The following SLC52A3 variants were observed in gnomAD, a reference collection of about 807,000 sequenced individuals.
The protein encoded by SLC52A3 is solute carrier family 52, riboflavin transporter, member 3.
A neutral mutation model predicts 29.5 loss-of-function variants in SLC52A3; 20 were observed. The observed-to-expected ratio is 0.68, with a 90% CI of 0.48 to 0.99. SLC52A3 has a LOEUF of 0.99. SLC52A3 is among the 50% of genes least tolerant of loss of function. SLC52A3 has a pLI of 0.00. For synonymous variants in SLC52A3, 301 were observed against 271.0 expected, an observed-to-expected ratio of 1.11 and a Z score of -1.09; for missense variants, 548 against 612.9, an observed-to-expected ratio of 0.89 and a Z score of 1.12.
upstream of SLC52A3, among the ~76,000 whole-genome samples, chr20:778,574 AGGTGGAG>A (rs1413309660): frequency 6.6e-6 from 1 of 152,196 alleles, no homozygotes; most frequent in African/African-American, 2.4e-5. Context: ...GAACCATGAA[AGGTGGAG>A]GGAAGCCATG....
At chr20:766,177 C>T (rs566475844) in intron 1 of SLC52A3, 32 of 203,784 alleles carry the variant, frequency 1.6e-4, no homozygotes, top group African/African-American at 5.1e-4. Flanking sequence ...TCAGGTGATC[C>T]GCCTGCCTCG....
chr20:760,918 T>C lies in SLC52A3; in HGVS notation c.*108A>G. 8.6e-7 allele frequency: 1 copy of C among 1,168,646 alleles called. No individual in the cohort carries two copies. Among genetic ancestry groups the C allele is most frequent in the Non-Finnish European group, 1.2e-6 (1 of 819,352 alleles). The allele number at this position is 1,168,646 out of a possible 1,614,324, so 72.4% of individuals were successfully genotyped here. ...CCCCAGTGGGCACTTGCGTTCATGATTCAATTACTCAGGCTCTGTCTCTCT... is the reference window on the plus strand; with the variant it reads ...CCCCAGTGGGCACTTGCGTTCATGACTCAATTACTCAGGCTCTGTCTCTCT... On this transcript the variant is annotated 3_prime_UTR_variant, in exon 5 of 5. Transcript: ENST00000645534. This position sits in a 1 kb window ranked among gnomAD's most constrained non-coding sequence, Gnocchi z 4.9.
At chr20:776,349 C>CGG, upstream of SLC52A3, among the ~76,000 whole-genome samples, 1 of 152,258 alleles carries the variant, frequency 6.6e-6, no homozygotes, top group Non-Finnish European at 1.5e-5. Flanking sequence ...ATGTGGAAAG[C>CGG]GGGGATAATA....
intron 1 of SLC52A3, among the ~76,000 whole-genome samples, chr20:767,302 A>AG (rs1243229701): frequency 6.6e-6 from 1 of 152,132 alleles, no homozygotes; most frequent in Non-Finnish European, 1.5e-5. Flanking sequence ...ACTTGCACAA[A>AG]GCAACCCTTG....
intron 1 of SLC52A3, among the ~76,000 whole-genome samples, chr20:774,888 C>T (rs1986964526): frequency 1.3e-5 from 2 of 152,256 alleles, no homozygotes; most frequent in African/African-American, 4.8e-5. Context: ...GGCCTGTGCT[C>T]ACCGGCTGTG....
chr20:769,593 C>T (rs1479924698), upstream of SLC52A3, among the ~76,000 whole-genome samples: 1 of 152,206 alleles, frequency 6.6e-6, no homozygotes, highest in Non-Finnish European at 1.5e-5. Flanking sequence ...GTATCAGTTG[C>T]ATTCAAAAAC....
rs1599954826 is a variant in SLC52A3 at position 760,177 on chromosome 20, G to A, written c.*849C>T. The A allele has an allele frequency of 6.6e-6, 1 of 152,200 alleles. No individual in the cohort carries two copies. The highest frequency in any genetic ancestry group is 1.9e-4 in the East Asian group (1 of 5,196). The allele number at this position is 152,200 out of a possible 1,614,324, so 9.4% of individuals were successfully genotyped here. A position where few individuals can be genotyped will look rare whatever the true frequency, so the allele number is the denominator to read the frequency against. ...GCCTCCATTTGAGAGAATACTTCCA[G>A]GGGCTCTGCATGTCTGGTCCCCAAC... On this transcript the variant is annotated 3_prime_UTR_variant, in exon 5 of 5. Transcript: ENST00000645534. This position sits in a 1 kb window ranked among gnomAD's most constrained non-coding sequence, Gnocchi z 4.9.
Position 763,559 on chromosome 20 carries a change from C to T in SLC52A3, c.1012G>A (p.Ala338Thr), listed in dbSNP as rs1349560607. The T allele has an allele frequency of 1.9e-6, 3 of 1,614,034 alleles. No individual in the cohort carries two copies. In the African/African-American group the frequency reaches 4.0e-5, roughly 22 times the overall value. ...SYGPVAYHLA[A>T]TLSIVANPLA... ...GGGTTGGCCACAATGCTGAGGGTGG[C>T]AGCCAGGTGGTAGGCAACTGGCCCA... Residue 338 changes from alanine to threonine, a missense_variant, in exon 3 of 5, where the codon GCC becomes ACC. Coordinates refer to ENST00000645534, the MANE Select transcript of SLC52A3 (RefSeq NM_033409.4).
At chr20:778,755 C>T, upstream of SLC52A3, among the ~76,000 whole-genome samples, 1 of 148,604 alleles carries the variant, frequency 6.7e-6, no homozygotes, top group Non-Finnish European at 1.5e-5. Flanking sequence ...GAGACGGAGT[C>T]TCACTCTGTC....
chr20:773,513 T>C (rs1334626894), intron 1 of SLC52A3, among the ~76,000 whole-genome samples: 1 of 152,074 alleles, frequency 6.6e-6, no homozygotes, highest in Non-Finnish European at 1.5e-5. Context: ...GAAGGGGCCA[T>C]GGGGGTCAAG....
At chr20:776,472 C>A (rs75004638), upstream of SLC52A3, among the ~76,000 whole-genome samples, 2,122 of 152,202 alleles carry the variant, frequency 0.014, 71 homozygotes, top group East Asian at 0.12. Flanking sequence ...ATCTTCATGG[C>A]CTTTTGGAGA....
Position 765,947 on chromosome 20 carries a change from T to A in SLC52A3, c.-51-122A>T. The A allele has an allele frequency of 1.5e-6, 1 of 649,224 alleles. No homozygotes were observed. The highest frequency in any genetic ancestry group is 2.7e-6 in the Non-Finnish European group (1 of 374,626). The allele number at this position is 649,224 out of a possible 1,614,324, so 40.2% of individuals were successfully genotyped here. A position where few individuals can be genotyped will look rare whatever the true frequency, so the allele number is the denominator to read the frequency against. On this transcript the variant is annotated intron_variant, in intron 1 of 4. Coordinates refer to ENST00000645534, the MANE Select transcript of SLC52A3 (RefSeq NM_033409.4). This position sits in a 1 kb window ranked among gnomAD's most constrained non-coding sequence, Gnocchi z 6.6. ...CTGTGAACAAGCTGGCTTTTTTTTT[T>A]TTCCTTTGAGACATAGTTTCACTCT...
chr20:766,306 C>T (rs1986684148), intron 1 of SLC52A3: 1 of 155,372 alleles, frequency 6.4e-6, no homozygotes, highest in Admixed American at 6.2e-5. Flanking sequence ...AAAGTTCAAT[C>T]CGACACACAA....
rs771855304 is a variant in SLC52A3 at position 765,487 on chromosome 20, G to A, written c.288C>T (p.Thr96=). ...TGTGGTGGCCGTCCAGCACCCAGGAGGTCATATTCCAGAGGAAGGCAAAGA... is the reference window on the plus strand; with the variant it reads ...TGTGGTGGCCGTCCAGCACCCAGGAAGTCATATTCCAGAGGAAGGCAAAGA... ...CIIFAFLWNM[T]SWVLDGHHSI... The change falls in exon 2 of 5, where the codon ACC becomes ACT. Residue 96 remains threonine, a synonymous_variant. Coordinates refer to ENST00000645534, the MANE Select transcript of SLC52A3 (RefSeq NM_033409.4). The surrounding 1 kb of genome is among the most constrained non-coding windows in gnomAD (Gnocchi z 6.6). 18 of 1,595,076 alleles carry A rather than the reference G, an allele frequency of 1.1e-5. No individual in the cohort carries two copies. In the East Asian group the frequency reaches 2.3e-4, roughly 20 times the overall value.
chr20:772,947 G>T (rs957392894), upstream of SLC52A3, among the ~76,000 whole-genome samples: 1 of 152,218 alleles, frequency 6.6e-6, no homozygotes, highest in Non-Finnish European at 1.5e-5. Context: ...TGTCCCAGAA[G>T]TGGATTTTGC....
upstream of SLC52A3, among the ~76,000 whole-genome samples, chr20:769,845 C>T (rs544487340): frequency 2.0e-5 from 3 of 151,686 alleles, no homozygotes; most frequent in Admixed American, 6.6e-5. Context: ...TGCAGTGAGC[C>T]GAGATCATGC....
chr20:763,456 T>A (rs1002071001), intron 3 of SLC52A3, 42 bp downstream of exon 3: 2 of 1,612,948 alleles, frequency 1.2e-6, no homozygotes, highest in Non-Finnish European at 1.7e-6. Context: ...TGAAATGAAG[T>A]GTTCCCCCAC....
intron 1 of SLC52A3, among the ~76,000 whole-genome samples, chr20:774,421 T>C (rs1355666278): frequency 1.3e-5 from 2 of 151,916 alleles, no homozygotes; most frequent in African/African-American, 2.4e-5. Context: ...TGGGTAGGAA[T>C]GGACTGACTT....
At chr20:777,985 G>T (rs969058727), upstream of SLC52A3, among the ~76,000 whole-genome samples, 3 of 150,752 alleles carry the variant, frequency 2.0e-5, no homozygotes, top group African/African-American at 7.3e-5. Context: ...GAAAAAGGCT[G>T]CTCCAGAAGA....
Sources: gnomAD v4.1 joint callset for allele counts (sites outside exome capture counted in the v4.1 genomes callset) on GRCh38, gnomAD v4.1.1 for gene constraint, Gnocchi (gnomAD v3.1) non-coding constraint, MANE v1.5 for transcripts, NCBI Gene and HGNC (gene_info 2026-07-23, HGNC 2026-07-21) for gene names.